Variants in L3HYPDH observed in about 807,000 individuals in gnomAD.
L3HYPDH encodes trans-3-hydroxy-L-proline dehydratase.
A neutral mutation model predicts 26.5 loss-of-function variants in L3HYPDH; 32 were observed. The observed-to-expected ratio is 1.21, with a 90% CI of 0.91 to 1.62. L3HYPDH has a LOEUF of 1.62. Among genes scored for constraint, L3HYPDH ranks in the 40% most tolerant of loss-of-function variants. The pLI is 0.00. For synonymous variants in L3HYPDH, 215 were observed against 196.6 expected, an observed-to-expected ratio of 1.09 and a Z score of -0.78; for missense variants, 554 against 476.4, an observed-to-expected ratio of 1.16 and a Z score of -1.52.
At chr14:59,495,119 G>A in the L3HYPDH span, 20 of 1,613,150 alleles carry the variant, frequency 1.2e-5, 1 homozygote, top group East Asian at 3.1e-4. Context: ...CTTTATATTC[G>A]TTCATGTCGA....
the L3HYPDH span, among the ~76,000 whole-genome samples, chr14:59,499,419 A>T: frequency 2.0e-5 from 3 of 152,218 alleles, no homozygotes; most frequent in African/African-American, 7.2e-5. Context: ...GTAGGGTCTT[A>T]GGTTTCTAAG....
chr14:59,478,958 C>A (rs1399982117), intron 2 of L3HYPDH: 2 of 404,444 alleles, frequency 4.9e-6, no homozygotes, highest in Non-Finnish European at 8.6e-6. Context: ...AGAAAGTTTA[C>A]AAAATTTGTG....
At chr14:59,478,827 TC>T (rs1889815952) in intron 2 of L3HYPDH, 1 of 177,524 alleles carries the variant, frequency 5.6e-6, no homozygotes, top group South Asian at 1.8e-4. Flanking sequence ...GAATGTCCAA[TC>T]TTTTGGCTTC....
chr14:59,503,801 A>T, the L3HYPDH span: 1 of 1,080,246 alleles, frequency 9.3e-7, no homozygotes, highest in Non-Finnish European at 1.4e-6. Flanking sequence ...TACCCAGCTG[A>T]CTTAGCCTGA....
At chr14:59,486,368 C>T (rs1051607870), upstream of L3HYPDH, among the ~76,000 whole-genome samples, 2 of 152,170 alleles carry the variant, frequency 1.3e-5, no homozygotes, top group Non-Finnish European at 2.9e-5. Context: ...TACTGGTGCT[C>T]TAATTTAAAA....
chr14:59,475,201 CA>C (rs1034105920), intron 4 of L3HYPDH: 2 of 151,304 alleles, frequency 1.3e-5, no homozygotes, highest in East Asian at 1.9e-4. Flanking sequence ...TAAAATAAAA[CA>C]AAAAAACAAA....
At chr14:59,466,571 C>T (rs1372672518) in intron 1 of L3HYPDH, among the ~76,000 whole-genome samples, 2 of 152,172 alleles carry the variant, frequency 1.3e-5, no homozygotes, top group Non-Finnish European at 2.9e-5. Flanking sequence ...TTTTAACAAG[C>T]CCTCCCAGTG....
upstream of L3HYPDH, chr14:59,487,550 TA>T: frequency 1.5e-6 from 1 of 687,880 alleles, no homozygotes; most frequent in Non-Finnish European, 2.5e-6. Flanking sequence ...TTTTTATTTC[TA>T]AAAGCTGCAC....
At chr14:59,477,130 G>C (rs937674545) in intron 2 of L3HYPDH, among the ~76,000 whole-genome samples, 1 of 152,240 alleles carries the variant, frequency 6.6e-6, no homozygotes, top group Non-Finnish European at 1.5e-5. Flanking sequence ...AAAGTGATAC[G>C]CCCCACCTCC....
upstream of L3HYPDH, chr14:59,484,424 G>T (rs537397952): frequency 2.2e-6 from 3 of 1,376,236 alleles, no homozygotes; most frequent in Non-Finnish European, 3.0e-6. Flanking sequence ...GCCACGTCCG[G>T]GGGGCGGGGT....
At chr14:59,475,254 T>C (rs2986949) in intron 4 of L3HYPDH, 150,737 of 152,206 alleles carry the variant, frequency 0.99, 74,646 homozygotes, top group East Asian at 1. Flanking sequence ...CTTTTGGTCT[T>C]AGGACCCTTT....
At chr14:59,490,961 G>A in the L3HYPDH span, among the ~76,000 whole-genome samples, 4 of 152,178 alleles carry the variant, frequency 2.6e-5, no homozygotes, top group Non-Finnish European at 4.4e-5. Context: ...GAGGGAAGGC[G>A]AGGAGTGACT....
chr14:59,470,175 A>G (rs1440252756), downstream of L3HYPDH, among the ~76,000 whole-genome samples: 1 of 152,120 alleles, frequency 6.6e-6, no homozygotes, highest in Non-Finnish European at 1.5e-5. Context: ...CATGTGTTTC[A>G]GAGCTTAGAG....
chr14:59,486,876 A>G (rs1391793289), upstream of L3HYPDH: 1 of 1,041,056 alleles, frequency 9.6e-7, no homozygotes, highest in Non-Finnish European at 1.4e-6. Flanking sequence ...CACATACAAC[A>G]TTTTTTGTTA....
chr14:59,498,808 A>G, the L3HYPDH span: 1 of 1,610,618 alleles, frequency 6.2e-7, no homozygotes, highest in Non-Finnish European at 8.5e-7. Flanking sequence ...AGAAGATTGC[A>G]TGTGGGTTAG....
chr14:59,484,619 A>G (rs1890362148), upstream of L3HYPDH: 1 of 1,577,176 alleles, frequency 6.3e-7, no homozygotes, highest in Non-Finnish European at 8.6e-7. Context: ...GATCCCGGGA[A>G]GCGTTTCTGG....
the L3HYPDH span, among the ~76,000 whole-genome samples, chr14:59,497,548 T>G: frequency 1.3e-5 from 2 of 152,216 alleles, no homozygotes; most frequent in Non-Finnish European, 2.9e-5. Flanking sequence ...TTTTTTCTTT[T>G]GCTGTTGATA....
Position 59,484,188 on chromosome 14 carries a change from A to C in L3HYPDH, c.129T>G (p.Ser43=). The change falls in exon 1 of 5, where the codon TCT becomes TCG. Residue 43 remains serine, a synonymous_variant. Coordinates refer to ENST00000247194, the MANE Select transcript of L3HYPDH (RefSeq NM_144581.2). ...RIVLAGCPEV[S]GPTLLAKRRY... ...GCCGCTTGGCCAGCAGGGTGGGCCC[A>C]GACACCTCCGGACACCCCGCCAGCA... 1 of 1,599,244 alleles carries C rather than the reference A, an allele frequency of 6.3e-7. No individual in the cohort carries two copies. The highest frequency in any genetic ancestry group is 8.5e-7 in the Non-Finnish European group (1 of 1,179,636).
chr14:59,483,424 ATTCTCAGC>A, intron 1 of L3HYPDH: 1 of 883,514 alleles, frequency 1.1e-6, no homozygotes, highest in African/African-American at 1.8e-5. Context: ...TACCAAGCAT[ATTCTCAGC>A]CAGCCTGGAA....
Sources: allele counts gnomAD v4.1 joint callset (sites outside exome capture counted in the v4.1 genomes callset), GRCh38; gene constraint gnomAD v4.1.1; transcripts MANE v1.5; gene names NCBI Gene and HGNC (gene_info 2026-07-23, HGNC 2026-07-21).